The following C10orf67 variants were observed in gnomAD, a reference collection of about 807,000 sequenced individuals.
C10orf67 encodes the protein chromosome 10 open reading frame 67, also known as uncharacterized protein C10orf67, mitochondrial.
C10orf67 carries 60 observed loss-of-function variants against 35.6 expected under a neutral mutation model. The observed-to-expected ratio is 1.68, with a 90% CI of 1.37 to 2.09. The LOEUF is 2.09. Among genes scored for constraint, C10orf67 ranks in the 30% most tolerant of loss-of-function variants. The probability of loss-of-function intolerance (pLI) is 0.00; values close to 1 mark genes in which losing one functional copy is unlikely to be tolerated. For missense variants in C10orf67, 474 were observed against 330.2 expected (o/e 1.44, Z -3.38); for synonymous variants, 167 against 115.8 (o/e 1.44, Z -2.84).
intron 1 of C10orf67, 61 bp downstream of exon 1, chr10:23,344,508 C>G: frequency 6.8e-7 from 1 of 1,476,244 alleles, no homozygotes. Flanking sequence ...CCTTCAGCCT[C>G]CCGCCGTGCC....
intron 10 of C10orf67, among the ~76,000 whole-genome samples, chr10:23,259,973 T>C (rs185014029): frequency 3.2e-4 from 48 of 152,254 alleles, no homozygotes; most frequent in African/African-American, 1.2e-3. Flanking sequence ...GGTAAAGACA[T>C]AATTGTAGAT....
chr10:23,330,021 C>T (rs980864024), intron 2 of C10orf67, among the ~76,000 whole-genome samples: 2 of 152,092 alleles, frequency 1.3e-5, no homozygotes, highest in Non-Finnish European at 2.9e-5. Flanking sequence ...CATATGAGTG[C>T]ATGATCATCT....
chr10:23,242,211 C>T (rs1453829037), intron 12 of C10orf67, among the ~76,000 whole-genome samples: 11 of 152,204 alleles, frequency 7.2e-5, no homozygotes, highest in African/African-American at 9.6e-5. Flanking sequence ...CCTCATGATC[C>T]ACCCACCTCG....
At position 23,300,360 on chromosome 10, in the gene C10orf67, A is replaced by T. The variant is rs191687826; in HGVS notation, c.702+2944T>A. 8.1e-4 allele frequency among the ~76,000 whole-genome samples: 123 copies of T among 152,264 alleles called. 2 individuals carry two copies. The highest frequency in any genetic ancestry group is 3.1e-3 in the Admixed American group (48 of 15,282). ...TCCAAAGTCCGCTTGCCTGAGGGCC[A>T]TGACTAAAGCGGTGGCCTTTTTTTA... On this transcript the variant is annotated intron_variant, in intron 5 of 15. Coordinates refer to ENST00000636213, the MANE Select transcript of C10orf67 (RefSeq NM_001371909.1).
chr10:23,318,808 A>C (rs1461809768), intron 4 of C10orf67: 3 of 722,230 alleles, frequency 4.2e-6, no homozygotes, highest in Non-Finnish European at 7.7e-6. Flanking sequence ...GGGCAAGTCC[A>C]GGGTTACTTT....
At chr10:23,225,597 C>A (rs1841713283) in intron 13 of C10orf67, among the ~76,000 whole-genome samples, 1 of 152,036 alleles carries the variant, frequency 6.6e-6, no homozygotes, top group South Asian at 2.1e-4. Flanking sequence ...GAGTCAAGAC[C>A]CATCAGTGTG....
chr10:23,337,496 T>C (rs540071949), intron 1 of C10orf67, among the ~76,000 whole-genome samples: 2 of 152,272 alleles, frequency 1.3e-5, no homozygotes, highest in East Asian at 3.9e-4. Context: ...ATTGTGTCAC[T>C]GCACTTCAGC....
intron 8 of C10orf67, among the ~76,000 whole-genome samples, chr10:23,277,933 T>C (rs1843241263): frequency 6.6e-6 from 1 of 152,038 alleles, no homozygotes; most frequent in Non-Finnish European, 1.5e-5. Context: ...ATTCCAATCA[T>C]GGTGGAAGGT....
chr10:23,328,199 T>G (rs145598434), intron 2 of C10orf67, among the ~76,000 whole-genome samples: 1 of 152,254 alleles, frequency 6.6e-6, no homozygotes, highest in East Asian at 1.9e-4. Context: ...TCTATAGGCA[T>G]TGGTAGCTGT....
chr10:23,204,250 A>G lies in C10orf67; in HGVS notation c.1576T>C (p.Leu526=). ...AALQLSPKGK[L]SESPKEESLE... ...GACTCTTCTTTTGGGGATTCCGACA[A>G]CTTCCCTAAACGTGAAGAAAGGTGG... is the stretch of plus-strand genomic sequence containing the variant. The change falls in exon 16 of 16, where the codon TTG becomes CTG. Residue 526 remains leucine, a synonymous_variant. Coordinates refer to ENST00000636213, the MANE Select transcript of C10orf67 (RefSeq NM_001371909.1). 1.5e-6 allele frequency: 1 copy of G among 648,702 alleles called. No individual in the cohort carries two copies. Among genetic ancestry groups the G allele is most frequent in the Non-Finnish European group, 2.9e-6 (1 of 347,474 alleles). 40.2% of individuals were successfully genotyped at this position (648,702 alleles called of 1,614,324 possible). A position where few individuals can be genotyped will look rare whatever the true frequency, so the allele number is the denominator to read the frequency against.
rs1440410263 is a variant in C10orf67, at chr10:23,263,534, A to G, written c.1200+2728T>C. 3.9e-5 allele frequency among the ~76,000 whole-genome samples: 6 copies of G among 152,266 alleles called. No homozygotes were observed. In the East Asian group the frequency reaches 1.2e-3, roughly 29 times the overall value. ...TTATTGAAGTCTTTTATCTGTACAA[A>G]TTGCTTTGTATTGAGAAAACTCTAA... On this transcript the variant is annotated intron_variant, in intron 10 of 15. Coordinates refer to ENST00000636213, the MANE Select transcript of C10orf67 (RefSeq NM_001371909.1).
rs371520194 is a variant in C10orf67, at chr10:23,295,012, AC to A, written c.703-3734del. On this transcript the variant is annotated intron_variant, in intron 5 of 15. Coordinates refer to ENST00000636213, the MANE Select transcript of C10orf67 (RefSeq NM_001371909.1). ...ATGTCTGTGTTCTTGAAATGGTGAC[AC>A]GTATGCTTTCCATCACCCTCAGTCA... Among the ~76,000 whole-genome samples, 96 of 152,302 alleles carry A rather than the reference AC, an allele frequency of 6.3e-4. 2 individuals are homozygous for A. In the East Asian group the frequency reaches 0.014, roughly 22 times the overall value.
intron 5 of C10orf67, among the ~76,000 whole-genome samples, chr10:23,295,653 G>T (rs1369462592): frequency 6.6e-6 from 1 of 150,910 alleles, no homozygotes; most frequent in Admixed American, 6.6e-5. Context: ...AAATTGCCTT[G>T]CCACATCTAC....
chr10:23,291,190 C>A lies in C10orf67; in HGVS notation c.792G>T (p.Gln264His). Residue 264 changes from glutamine to histidine, a missense_variant, in exon 6 of 16, where the codon CAG (glutamine) becomes CAT (histidine). Coordinates refer to ENST00000636213, the MANE Select transcript of C10orf67 (RefSeq NM_001371909.1). ...TTTCTTCTTCAAGCTCTGAAATGAT[C>A]TGAAGCAGCCTCTCATTTTCCACTT... ...EYKVENERLLQIISELEEEIQ... is the reference protein window; with the variant it reads ...EYKVENERLLHIISELEEEIQ... 2 of 717,056 alleles carry A rather than the reference C, an allele frequency of 2.8e-6. No individual in the cohort carries two copies. Among genetic ancestry groups the A allele is most frequent in the South Asian group, 1.5e-5 (1 of 67,508 alleles). The allele number at this position is 717,056 out of a possible 1,614,324, so 44.4% of individuals were successfully genotyped here. A position where few individuals can be genotyped will look rare whatever the true frequency, so the allele number is the denominator to read the frequency against.
intron 5 of C10orf67, among the ~76,000 whole-genome samples, chr10:23,295,965 C>G (rs1418540993): frequency 1.3e-5 from 2 of 152,024 alleles, no homozygotes; most frequent in Non-Finnish European, 2.9e-5. Context: ...ACATTTAAAC[C>G]AGTTTAAATA....
chr10:23,330,775 C>T (rs1018245547), intron 2 of C10orf67, among the ~76,000 whole-genome samples: 1 of 151,274 alleles, frequency 6.6e-6, no homozygotes, highest in Non-Finnish European at 1.5e-5. Context: ...GAAGCATAAA[C>T]GAGAAATAAG....
chr10:23,287,032 T>C (rs1193667898), intron 7 of C10orf67, among the ~76,000 whole-genome samples: 1 of 152,202 alleles, frequency 6.6e-6, no homozygotes, highest in East Asian at 1.9e-4. Context: ...ATCAATATCA[T>C]GAAAATGGCC....
chr10:23,235,307 A>C (rs1052365991), intron 13 of C10orf67, among the ~76,000 whole-genome samples: 1 of 152,188 alleles, frequency 6.6e-6, no homozygotes, highest in African/African-American at 2.4e-5. Flanking sequence ...ACAATCTGCC[A>C]CAGAAAAAAT....
chr10:23,273,983 A>G (rs1377065563), intron 8 of C10orf67, among the ~76,000 whole-genome samples: 14 of 152,180 alleles, frequency 9.2e-5, no homozygotes, highest in Admixed American at 9.2e-4. Flanking sequence ...AAAGAGAAAA[A>G]GTACAAAGAG....
Sources: gnomAD v4.1 joint callset for allele counts (sites outside exome capture counted in the v4.1 genomes callset) on GRCh38, gnomAD v4.1.1 for gene constraint, MANE v1.5 for transcripts, NCBI Gene and HGNC (gene_info 2026-07-23, HGNC 2026-07-21) for gene names.